The following PKIB variants were observed in gnomAD, a reference collection of about 807,000 sequenced individuals.
PKIB encodes the protein PKI-beta.
A neutral mutation model predicts 4.5 loss-of-function variants in PKIB; 2 were observed. That is an observed-to-expected ratio of 0.44 (90% confidence interval 0.18 to 1.39). The LOEUF is 1.39. Among genes scored for constraint, PKIB ranks in the 40% most tolerant of loss-of-function variants. The probability of loss-of-function intolerance (pLI) is 0.27; values close to 1 mark genes in which losing one functional copy is unlikely to be tolerated. For missense variants in PKIB, 94 were observed against 92.6 expected, an observed-to-expected ratio of 1.02 and a Z score of -0.06; for synonymous variants, 38 against 36.0, an observed-to-expected ratio of 1.06 and a Z score of -0.20.
intron 2 of PKIB, among the ~76,000 whole-genome samples, chr6:122,658,156 AT>A (rs1438312089): frequency 1.2e-4 from 19 of 152,170 alleles, no homozygotes; most frequent in Admixed American, 1.2e-3. Flanking sequence ...TTTGTAATAG[AT>A]TGGTTTTGTG....
intron 2 of PKIB, among the ~76,000 whole-genome samples, chr6:122,548,576 C>T (rs1221569573): frequency 6.6e-6 from 1 of 152,076 alleles, no homozygotes; most frequent in African/African-American, 2.4e-5. Context: ...CAAAGTGCTT[C>T]AATAATAGGA....
chr6:122,672,518 A>G (rs1220237843), intron 2 of PKIB, among the ~76,000 whole-genome samples: 1 of 152,070 alleles, frequency 6.6e-6, no homozygotes, highest in African/African-American at 2.4e-5. Context: ...TTGGCTGTTG[A>G]TATGTCTTAG....
At chr6:122,680,215 A>T (rs916809332) in intron 3 of PKIB, among the ~76,000 whole-genome samples, 3 of 152,258 alleles carry the variant, frequency 2.0e-5, no homozygotes, top group African/African-American at 7.2e-5. Context: ...ACCCCAAAAT[A>T]CAGGGGCAAT....
At chr6:122,632,462 A>G (rs1775741502) in intron 1 of PKIB, among the ~76,000 whole-genome samples, 1 of 152,218 alleles carries the variant, frequency 6.6e-6, no homozygotes, top group Non-Finnish European at 1.5e-5. Context: ...TGGTTAACCC[A>G]GTGATCAGCT....
chr6:122,503,276 T>C (rs556216496), intron 2 of PKIB, among the ~76,000 whole-genome samples: 4 of 152,288 alleles, frequency 2.6e-5, no homozygotes, highest in South Asian at 4.1e-4. Context: ...AATGTTCATG[T>C]AGCAATTCTT....
At position 122,709,473 on chromosome 6, in the gene PKIB, G is replaced by A. The variant is rs4485062; in HGVS notation, c.-8-8314G>A. 8.1e-3 allele frequency among the ~76,000 whole-genome samples: 1,163 copies of A among 143,126 alleles called. 8 individuals are homozygous for A. The highest frequency in any genetic ancestry group is 0.021 in the Middle Eastern group (6 of 288). 93.9% of individuals were successfully genotyped at this position (143,126 alleles called of 152,430 possible). Reference sequence around the variant, plus strand: ...AGTCATTCTTAGTACAAAGAGATGGGATCAAGTGGGAGTTTTTTTTTTTAA... The same window carrying A: ...AGTCATTCTTAGTACAAAGAGATGGAATCAAGTGGGAGTTTTTTTTTTTAA... On this transcript the variant is annotated intron_variant, in intron 3 of 4. Transcript: ENST00000368452.
chr6:122,573,641 T>C (rs138883243), intron 2 of PKIB, among the ~76,000 whole-genome samples: 78 of 151,098 alleles, frequency 5.2e-4, no homozygotes, highest in African/African-American at 1.7e-3. Flanking sequence ...TCAATATATG[T>C]GATACATCAC....
intron 2 of PKIB, among the ~76,000 whole-genome samples, chr6:122,499,442 G>T (rs561495266): frequency 6.6e-6 from 1 of 152,152 alleles, no homozygotes; most frequent in East Asian, 1.9e-4. Flanking sequence ...CACATAAACA[G>T]AATTAAAAAC....
At chr6:122,520,244 G>A (rs1776892508) in intron 2 of PKIB, among the ~76,000 whole-genome samples, 2 of 152,032 alleles carry the variant, frequency 1.3e-5, no homozygotes, top group South Asian at 4.2e-4. Context: ...GCTCCTAGAA[G>A]AAAAGAGCCA....
At chr6:122,602,298 A>G (rs1774394275) in intron 3 of PKIB, among the ~76,000 whole-genome samples, 1 of 152,184 alleles carries the variant, frequency 6.6e-6, no homozygotes, top group Non-Finnish European at 1.5e-5. Flanking sequence ...TAGGACTCAT[A>G]GAAGAAGCTC....
At chr6:122,567,987 T>C (rs1773244179) in intron 2 of PKIB, among the ~76,000 whole-genome samples, 1 of 152,186 alleles carries the variant, frequency 6.6e-6, no homozygotes, top group African/African-American at 2.4e-5. Context: ...TTTGTGTGCC[T>C]GAAATATGCT....
chr6:122,660,627 TTC>T (rs1776948060), intron 2 of PKIB, among the ~76,000 whole-genome samples: 1 of 152,188 alleles, frequency 6.6e-6, no homozygotes, highest in Admixed American at 6.5e-5. Context: ...ACTAAAAAGT[TTC>T]TGTTTCATTA....
chr6:122,563,817 G>T (rs577574128), intron 2 of PKIB, among the ~76,000 whole-genome samples: 1 of 152,032 alleles, frequency 6.6e-6, no homozygotes, highest in Non-Finnish European at 1.5e-5. Flanking sequence ...ACTGTTCCCC[G>T]CGACAACAGC....
chr6:122,577,206 C>T (rs192278923), intron 2 of PKIB, among the ~76,000 whole-genome samples: 10 of 152,114 alleles, frequency 6.6e-5, no homozygotes, highest in East Asian at 5.8e-4. Context: ...TAGTATCATA[C>T]GCAGATTTCA....
At chr6:122,716,483 T>C (rs1188674059) in intron 3 of PKIB, among the ~76,000 whole-genome samples, 1 of 152,210 alleles carries the variant, frequency 6.6e-6, no homozygotes, top group Non-Finnish European at 1.5e-5. Flanking sequence ...AACATAGCTC[T>C]GTTCTCAAAT....
chr6:122,560,566 G>A (rs1174936061), intron 2 of PKIB, among the ~76,000 whole-genome samples: 1 of 152,098 alleles, frequency 6.6e-6, no homozygotes, highest in Non-Finnish European at 1.5e-5. Flanking sequence ...ATGAATTAGG[G>A]AGGGTTCCTT....
intron 2 of PKIB, among the ~76,000 whole-genome samples, chr6:122,666,950 AT>A (rs529318709): frequency 0.014 from 1,951 of 135,466 alleles, 34 homozygotes; most frequent in African/African-American, 0.043. Flanking sequence ...TGGTACTAAT[AT>A]TTTTTTTTTT....
chr6:122,671,383 G>T (rs1306533222), intron 2 of PKIB, among the ~76,000 whole-genome samples: 1 of 93,036 alleles, frequency 1.1e-5, no homozygotes, highest in East Asian at 2.7e-4. Flanking sequence ...CATAGGTTAG[G>T]TCTTATCTCG....
intron 1 of PKIB, among the ~76,000 whole-genome samples, chr6:122,475,271 A>G (rs1234633813): frequency 2.0e-5 from 3 of 152,234 alleles, no homozygotes; most frequent in African/African-American, 7.2e-5. Flanking sequence ...AATACTAAAA[A>G]TAATAATTTT....
Sources: gnomAD v4.1 joint callset for allele counts (sites outside exome capture counted in the v4.1 genomes callset) on GRCh38, gnomAD v4.1.1 for gene constraint, MANE v1.5 for transcripts, NCBI Gene and HGNC (gene_info 2026-07-23, HGNC 2026-07-21) for gene names.